DMD: variants seen among roughly 807,000 people sequenced by gnomAD.
DMD encodes dystrophin.
In DMD, 63 loss-of-function variants were observed where a neutral mutation model predicts 330.1. That is an observed-to-expected ratio of 0.19 (90% CI 0.16 to 0.24). The LOEUF (loss-of-function observed/expected upper bound fraction) is 0.24, where lower values mean the gene tolerates loss of function less well. Ranked by LOEUF, DMD falls within the 10% of genes least tolerant of loss-of-function variation. DMD has a pLI of 1.00. For missense variants in DMD, 3,344 were observed against 2,684.1 expected (o/e 1.25, Z -5.43); for synonymous variants, 1,223 against 959.8 (o/e 1.27, Z -5.07).
intron 62 of DMD, among the ~76,000 whole-genome samples, chrX:31,305,384 T>C (rs1305966653): frequency 1.8e-5 from 2 of 110,854 alleles, no homozygotes; most frequent in African/African-American, 6.5e-5. Context: ...ACCAAATTTG[T>C]TCCTCTTTAA....
At chrX:31,591,826 A>C (rs1160388510) in intron 55 of DMD, among the ~76,000 whole-genome samples, 1 of 111,214 alleles carries the variant, frequency 9.0e-6, no homozygotes, top group Non-Finnish European at 1.9e-5. Context: ...AGCAAAGTAG[A>C]CTGAGTGAAT....
At chrX:32,653,346 G>A (rs1479714184) in intron 9 of DMD, among the ~76,000 whole-genome samples, 2 of 111,862 alleles carry the variant, frequency 1.8e-5, no homozygotes, top group African/African-American at 6.5e-5. Context: ...AATGTGTAAG[G>A]AAGGGATCCA....
At chrX:31,640,368 A>C (rs141990674) in intron 54 of DMD, among the ~76,000 whole-genome samples, 3,310 of 112,170 alleles carry the variant, frequency 0.03, 123 homozygotes, top group African/African-American at 0.098. Context: ...TTTTACACTA[A>C]CTATTTTAAG....
chrX:32,341,625 T>C (rs753953860), intron 41 of DMD, among the ~76,000 whole-genome samples: 1 of 111,978 alleles, frequency 8.9e-6, no homozygotes, highest in Non-Finnish European at 1.9e-5. Context: ...AGGATTAAGC[T>C]ATTATTCTTC....
chrX:32,104,099 T>C (rs141304954), intron 44 of DMD, among the ~76,000 whole-genome samples: 184 of 111,207 alleles, frequency 1.7e-3, no homozygotes, highest in African/African-American at 5.7e-3. Flanking sequence ...GAGAACTGCT[T>C]AGCAAAAAGG....
chrX:32,351,225 C>A (rs2097780792), intron 37 of DMD, among the ~76,000 whole-genome samples: 1 of 110,751 alleles, frequency 9.0e-6, no homozygotes, highest in African/African-American at 3.3e-5. Flanking sequence ...CTCTCAAAAT[C>A]CTAATCATCC....
chrX:32,152,082 G>A (rs761341696), intron 44 of DMD, among the ~76,000 whole-genome samples: 2 of 111,826 alleles, frequency 1.8e-5, no homozygotes, highest in South Asian at 7.4e-4. Context: ...AATACAAAGT[G>A]AAAGGCAAAT....
At chrX:32,432,907 G>T (rs928888947) in intron 29 of DMD, among the ~76,000 whole-genome samples, 3 of 111,960 alleles carry the variant, frequency 2.7e-5, no homozygotes, top group Non-Finnish European at 5.6e-5. Context: ...TATCATAAAT[G>T]TTACTATTAC....
In DMD at chrX:32,864,303, G is replaced by A. The variant is rs191582895; in HGVS notation, c.94-14483C>T. ...TAACTTGAATAAGGTCACACAGCAA[G>A]TAAGTGCTAGATACTAATTTGGACT... On this transcript the variant is annotated intron_variant, in intron 2 of 78. Transcript: ENST00000357033. Among the ~76,000 whole-genome samples, 86 of 111,554 alleles carry A rather than the reference G, an allele frequency of 7.7e-4. 1 individual carries two copies. The highest frequency in any genetic ancestry group is 2.9e-4 in the Admixed American group (3 of 10,463).
chrX:33,020,053 C>T (rs1163147628), intron 2 of DMD, 86 bp downstream of exon 2: 22 of 711,689 alleles, frequency 3.1e-5, no homozygotes, highest in Non-Finnish European at 4.0e-5. Flanking sequence ...AGAAATAAAA[C>T]GGATTTTTAA....
chrX:32,049,267 G>A (rs769932831), intron 44 of DMD, among the ~76,000 whole-genome samples: 58 of 110,969 alleles, frequency 5.2e-4, no homozygotes, highest in Non-Finnish European at 8.9e-4. Flanking sequence ...TAATACGTCC[G>A]TTAAAAAAAC....
chrX:31,769,567 C>T (rs752220512), intron 51 of DMD, among the ~76,000 whole-genome samples: 1 of 111,482 alleles, frequency 9.0e-6, no homozygotes, highest in Admixed American at 9.6e-5. Flanking sequence ...CTGGGCCACA[C>T]ATAAAATACA....
At chrX:31,227,829 T>A (rs953372518) in intron 63 of DMD, among the ~76,000 whole-genome samples, 3 of 110,795 alleles carry the variant, frequency 2.7e-5, no homozygotes, top group African/African-American at 9.9e-5. Context: ...GTGGCATTAT[T>A]CACAATAGCA....
chrX:32,653,726 T>C lies in DMD; in HGVS notation c.961-8574A>G, dbSNP rs763513395. Reference sequence around the variant, plus strand: ...ATTGGTAGCTTGATGGGGATGGCATTGAATCTATAAATTACCTTGGGCAGT... The same window carrying C: ...ATTGGTAGCTTGATGGGGATGGCATCGAATCTATAAATTACCTTGGGCAGT... On this transcript the variant is annotated intron_variant, in intron 9 of 78. Coordinates refer to ENST00000357033, the MANE Select transcript of DMD (RefSeq NM_004006.3). Among the ~76,000 whole-genome samples, 3 of 111,896 alleles carry C rather than the reference T, an allele frequency of 2.7e-5. No individual in the cohort carries two copies. The Admixed American group carries it at 2.9e-4, about 11-fold the overall frequency.
At chrX:32,840,011 G>T (rs1041661107) in intron 4 of DMD, among the ~76,000 whole-genome samples, 2 of 112,067 alleles carry the variant, frequency 1.8e-5, no homozygotes, top group South Asian at 7.3e-4. Flanking sequence ...GCCCAGCCTA[G>T]ATTTACTTTT....
chrX:32,821,369 G>A (rs1412313696), intron 5 of DMD, among the ~76,000 whole-genome samples: 1 of 110,432 alleles, frequency 9.1e-6, no homozygotes, highest in East Asian at 2.9e-4. Context: ...AGGATCACGA[G>A]GTCAGGAGAT....
At chrX:32,972,035 G>C (rs1364557664) in intron 2 of DMD, among the ~76,000 whole-genome samples, 2 of 111,496 alleles carry the variant, frequency 1.8e-5, no homozygotes, top group Non-Finnish European at 3.8e-5. Context: ...TGAGAGCTAG[G>C]ATGTTACATT....
intron 4 of DMD, among the ~76,000 whole-genome samples, chrX:32,838,158 T>C (rs1469459342): frequency 8.9e-6 from 1 of 112,034 alleles, no homozygotes; most frequent in African/African-American, 3.2e-5. Context: ...TACTGTGCGA[T>C]ACGTTTTCGT....
chrX:31,205,831 C>T (rs919660182), intron 66 of DMD, among the ~76,000 whole-genome samples: 1 of 112,193 alleles, frequency 8.9e-6, no homozygotes, highest in Non-Finnish European at 1.9e-5. Context: ...GGCTAGGCCT[C>T]AGGGGAAGAG....
Sources: gnomAD v4.1 joint callset for allele counts (sites outside exome capture counted in the v4.1 genomes callset) on GRCh38, gnomAD v4.1.1 for gene constraint, MANE v1.5 for transcripts, NCBI Gene and HGNC (gene_info 2026-07-23, HGNC 2026-07-21) for gene names.